MED13L: variants seen among roughly 807,000 people sequenced by gnomAD.
The protein encoded by MED13L is mediator complex subunit 13L.
MED13L carries 7 observed loss-of-function variants against 220.9 expected under a neutral mutation model. That is an observed-to-expected ratio of 0.03 (90% confidence interval 0.02 to 0.06). The LOEUF is 0.06. Among genes scored for constraint, MED13L ranks in the 10% least tolerant of loss-of-function variants. The pLI, the probability that MED13L is intolerant of heterozygous loss-of-function variation, is 1.00. For missense variants in MED13L, 1,965 were observed against 2,760.5 expected (o/e 0.71, Z 6.46); for synonymous variants, 1,011 against 1,015.2 (o/e 1.00, Z 0.08).
In MED13L at chr12:116,111,414, G is replaced by C; in HGVS notation, c.395+14C>G. 1 of 1,607,742 alleles carries C rather than the reference G, an allele frequency of 6.2e-7. No individual in the cohort carries two copies. ...GGTTGTCTGCAAACCACTGTCTGCT[G>C]TTCCTTCTCTTACCTTTCTAACAGA... On this transcript the variant is annotated intron_variant, in intron 3 of 30. Transcript: ENST00000281928.
At chr12:116,134,916 C>A (rs1486073083) in intron 2 of MED13L, among the ~76,000 whole-genome samples, 1 of 152,014 alleles carries the variant, frequency 6.6e-6, no homozygotes, top group Non-Finnish European at 1.5e-5. Flanking sequence ...ACACCTGTAA[C>A]CCCAGCACTT....
At chr12:116,148,626 T>G (rs767116094) in intron 2 of MED13L, 3 of 196,666 alleles carry the variant, frequency 1.5e-5, no homozygotes, top group South Asian at 7.6e-5. Flanking sequence ...TATATATATA[T>G]ATATACGGAG....
intron 4 of MED13L, among the ~76,000 whole-genome samples, chr12:116,040,096 G>C (rs1056559222): frequency 2.0e-5 from 3 of 152,194 alleles, no homozygotes; most frequent in Non-Finnish European, 4.4e-5. Flanking sequence ...AGCTCTCAGT[G>C]ATATGTCTCC....
intron 1 of MED13L, among the ~76,000 whole-genome samples, chr12:116,259,380 GAA>G (rs1172464073): frequency 1.3e-5 from 2 of 152,044 alleles, no homozygotes; most frequent in African/African-American, 2.4e-5. Flanking sequence ...AGAATTGTGG[GAA>G]CATAACATTA....
chr12:116,005,968 G>T lies in MED13L; in HGVS notation c.2370C>A (p.Gly790=). 6.2e-7 allele frequency: 1 copy of T among 1,613,940 alleles called. No homozygotes were observed. Among genetic ancestry groups the T allele is most frequent in the Non-Finnish European group, 8.5e-7 (1 of 1,179,858 alleles). Reference sequence around the variant, plus strand: ...GTGTAAGGCTACTGGAGCCAGCTCTGCCAGCAGCATTATCCTGCCGGACAT... The same window carrying T: ...GTGTAAGGCTACTGGAGCCAGCTCTTCCAGCAGCATTATCCTGCCGGACAT... ...KTDVRQDNAA[G]RAGSSSLTQV... The change falls in exon 13 of 31, where the codon GGC becomes GGA. Residue 790 remains glycine (G), a synonymous_variant. Coordinates refer to ENST00000281928, the MANE Select transcript of MED13L (RefSeq NM_015335.5).
chr12:116,103,632 G>GA (rs982708534), intron 3 of MED13L, among the ~76,000 whole-genome samples: 1 of 152,124 alleles, frequency 6.6e-6, no homozygotes. Context: ...TCCCTTGACT[G>GA]AAAAATATTC....
intron 28 of MED13L, among the ~76,000 whole-genome samples, chr12:115,967,832 C>T (rs964710103): frequency 6.6e-6 from 1 of 152,176 alleles, no homozygotes; most frequent in African/African-American, 2.4e-5. Context: ...TCGTTCCTAT[C>T]ACAACCGTTT....
At chr12:116,276,477 G>GC in intron 1 of MED13L, 1 of 1,288,020 alleles carries the variant, frequency 7.8e-7, no homozygotes, top group African/African-American at 1.5e-5. Flanking sequence ...AGCATAGTAA[G>GC]CCCCGAGAGG....
chr12:115,964,313 T>C (rs997113492), intron 29 of MED13L, among the ~76,000 whole-genome samples: 9 of 152,314 alleles, frequency 5.9e-5, no homozygotes, highest in Admixed American at 2.6e-4. Flanking sequence ...CTTTTTATAA[T>C]TGGTTTACTA....
intron 2 of MED13L, among the ~76,000 whole-genome samples, chr12:116,178,326 A>C (rs145147181): frequency 6.6e-4 from 101 of 152,238 alleles, no homozygotes; most frequent in African/African-American, 2.4e-3. Flanking sequence ...ATCTGTTTGT[A>C]CTCTTTGGCA....
intron 2 of MED13L, among the ~76,000 whole-genome samples, chr12:116,215,865 A>T (rs1224010789): frequency 6.6e-6 from 1 of 152,144 alleles, no homozygotes; most frequent in African/African-American, 2.4e-5. Flanking sequence ...AATTTATTTA[A>T]CATATTGTAG....
chr12:116,127,477 T>C (rs1319204913), intron 2 of MED13L, among the ~76,000 whole-genome samples: 1 of 152,174 alleles, frequency 6.6e-6, no homozygotes, highest in Non-Finnish European at 1.5e-5. Context: ...AAATTTTAAA[T>C]ATAAGTACCC....
chr12:115,975,277 T>A lies in MED13L; in HGVS notation c.5625A>T (p.Gly1875=). 6.2e-7 allele frequency: 1 copy of A among 1,614,052 alleles called. No homozygotes were observed. Among genetic ancestry groups the A allele is most frequent in the Non-Finnish European group, 8.5e-7 (1 of 1,179,982 alleles). The stretch of plus-strand genomic sequence containing the variant: ...TGCACCACTCCCATAACTTCTGTAG[T>A]CCAATTTTACGTGCAGATACTTTAC... ...RRSKVSARKI[G]LQKLWEWCIG... is the part of the protein sequence containing the mutation. Residue 1875 remains glycine, a synonymous_variant, in exon 25 of 31, where the codon GGA becomes GGT. Transcript: ENST00000281928.
chr12:116,255,510 A>G (rs1049528143), intron 1 of MED13L, among the ~76,000 whole-genome samples: 17 of 152,230 alleles, frequency 1.1e-4, no homozygotes, highest in Non-Finnish European at 2.2e-4. Flanking sequence ...TAGATTTATA[A>G]AAGTAATACT....
intron 5 of MED13L, among the ~76,000 whole-genome samples, chr12:116,021,611 A>T (rs1880063578): frequency 6.6e-6 from 1 of 152,222 alleles, no homozygotes; most frequent in African/African-American, 2.4e-5. Flanking sequence ...ACAGGCTTTT[A>T]CAGCAATTAT....
At chr12:116,196,781 T>C (rs1881653994) in intron 2 of MED13L, among the ~76,000 whole-genome samples, 1 of 152,222 alleles carries the variant, frequency 6.6e-6, no homozygotes, top group Non-Finnish European at 1.5e-5. Context: ...AGCTTAAGAA[T>C]CTGATGGTTT....
chr12:116,252,481 G>A (rs1359363610), intron 1 of MED13L, among the ~76,000 whole-genome samples: 1 of 152,090 alleles, frequency 6.6e-6, no homozygotes, highest in African/African-American at 2.4e-5. Flanking sequence ...TGAGGTTGCA[G>A]TGAGCTGTGA....
chr12:116,040,700 T>C (rs1168843462), intron 4 of MED13L, among the ~76,000 whole-genome samples: 1 of 149,826 alleles, frequency 6.7e-6, no homozygotes, highest in African/African-American at 2.5e-5. Context: ...CTACAATGGA[T>C]AAATAAATTA....
At chr12:116,188,898 CTTTGTTCCT>C (rs1401569284) in intron 2 of MED13L, among the ~76,000 whole-genome samples, 1 of 152,152 alleles carries the variant, frequency 6.6e-6, no homozygotes, top group Non-Finnish European at 1.5e-5. Flanking sequence ...TATATCAAGA[CTTTGTTCCT>C]TTTGTTACCC....
Sources: gnomAD v4.1 joint callset for allele counts (sites outside exome capture counted in the v4.1 genomes callset) on GRCh38, gnomAD v4.1.1 for gene constraint, MANE v1.5 for transcripts, NCBI Gene and HGNC (gene_info 2026-07-23, HGNC 2026-07-21) for gene names.